RSL1D1: variants seen among roughly 807,000 people sequenced by gnomAD.
The protein encoded by RSL1D1 is ribosomal L1 domain-containing protein 1.
RSL1D1 carries 34 observed loss-of-function variants against 44.6 expected under a neutral mutation model. The observed-to-expected ratio is 0.76, with a 90% CI of 0.58 to 1.02. The LOEUF (loss-of-function observed/expected upper bound fraction) is 1.02. Among genes scored for constraint, RSL1D1 ranks in the 50% least tolerant of loss-of-function variants. RSL1D1 has a pLI of 0.00. For synonymous variants in RSL1D1, 271 were observed against 207.4 expected, an observed-to-expected ratio of 1.31 and a Z score of -2.63; for missense variants, 767 against 568.1, an observed-to-expected ratio of 1.35 and a Z score of -3.56.
chr16:11,848,343 A>G (rs557752711), intron 2 of RSL1D1, among the ~76,000 whole-genome samples: 2 of 152,336 alleles, frequency 1.3e-5, no homozygotes, highest in Admixed American at 1.3e-4. Flanking sequence ...CACTTGGGAT[A>G]CAACAAGAAT....
chr16:11,846,649 T>G, intron 4 of RSL1D1, 46 bp downstream of exon 4: 3 of 1,610,710 alleles, frequency 1.9e-6, no homozygotes, highest in Non-Finnish European at 2.5e-6. Context: ...CATACACACC[T>G]AGAAGCTTCA....
rs780160228 is a variant in RSL1D1, at chr16:11,846,483, T to C, written c.635+18A>G. 1 of 1,201,614 alleles carries C rather than the reference T, an allele frequency of 8.3e-7. No homozygotes were observed. The highest frequency in any genetic ancestry group is 1.3e-5 in the South Asian group (1 of 76,726). 74.4% of individuals were successfully genotyped at this position (1,201,614 alleles called of 1,614,324 possible). On this transcript the variant is annotated intron_variant, in intron 5 of 8. Transcript: ENST00000571133. ...AATACAAGATTAAAAGAGGCACACA[T>C]GAATGCCTTTTACCTACCTGCAAGA...
At chr16:11,844,712 A>T (rs985093119) in intron 5 of RSL1D1, among the ~76,000 whole-genome samples, 2 of 152,166 alleles carry the variant, frequency 1.3e-5, no homozygotes, top group African/African-American at 2.4e-5. Flanking sequence ...CTGGGTCTGC[A>T]CGGCTCCTGG....
Position 11,837,554 on chromosome 16 carries a change from T to G in RSL1D1, c.*233A>C, listed in dbSNP as rs113393544. On this transcript the variant is annotated 3_prime_UTR_variant, in exon 9 of 9. Coordinates refer to ENST00000571133, the MANE Select transcript of RSL1D1 (RefSeq NM_015659.3). ...TTGGTACAGACAGGGTTTCACCATG[T>G]TGGCCAGGATGGTCTCGATCTCGTT... The G allele has an allele frequency of 1.2e-5, 5 of 419,220 alleles. No homozygotes were observed. The highest frequency in any genetic ancestry group is 2.1e-5 in the Non-Finnish European group (5 of 234,252). 26.0% of individuals were successfully genotyped at this position (419,220 alleles called of 1,614,324 possible). A position where few individuals can be genotyped will look rare whatever the true frequency, so the allele number is the denominator to read the frequency against.
At chr16:11,850,220 C>A in intron 2 of RSL1D1, 59 bp downstream of exon 2, 1 of 1,467,488 alleles carries the variant, frequency 6.8e-7, no homozygotes, top group South Asian at 1.4e-5. Context: ...TGCAATTGTT[C>A]GAGTTACAAA....
At chr16:11,848,675 G>A (rs569881843) in intron 2 of RSL1D1, among the ~76,000 whole-genome samples, 2 of 152,082 alleles carry the variant, frequency 1.3e-5, no homozygotes, top group African/African-American at 4.8e-5. Context: ...TGTATTTTTC[G>A]TAGAGACAGG....
chr16:11,841,911 G>A lies in RSL1D1; in HGVS notation c.725C>T (p.Pro242Leu). Residue 242 changes from proline (P) to leucine (L), a missense_variant, in exon 6 of 9, where the codon CCA becomes CTA. Pro to Leu is a moderately conservative substitution (Grantham distance 98). Transcript: ENST00000571133. ...GATGCACCTGTAATACTGTACCTCTGGCAATTTTTCTGAAAGTCCTTTGGT... is the reference window on the plus strand; with the variant it reads ...GATGCACCTGTAATACTGTACCTCTAGCAATTTTTCTGAAAGTCCTTTGGT... ...AVTKGLSEKL[P>L]EKWESVKLLF... The A allele has an allele frequency of 6.2e-7, 1 of 1,613,146 alleles. No homozygotes were observed. The highest frequency in any genetic ancestry group is 8.5e-7 in the Non-Finnish European group (1 of 1,179,666).
intron 7 of RSL1D1, 25 bp from the exon 8 acceptor site, chr16:11,840,010 T>C (rs200464996): frequency 9.3e-6 from 15 of 1,606,222 alleles, no homozygotes; most frequent in Non-Finnish European, 1.3e-5. Flanking sequence ...CATACAAACA[T>C]TTTAGCAGGA....
chr16:11,851,486 C>T lies in RSL1D1; in HGVS notation c.27G>A (p.Leu9=), dbSNP rs751144125. Residue 9 remains leucine, a synonymous_variant, in exon 1 of 9, where the codon CTG becomes CTA. Coordinates refer to ENST00000571133, the MANE Select transcript of RSL1D1 (RefSeq NM_015659.3). ...AGGTTCCAGTAGCGGCTGCAGAAGA[C>T]AGCGAGGCCGAGGCCGAATCCTCCA... The part of the protein sequence containing the change: MEDSASAS[L]SSAAATGTST... 3.1e-6 allele frequency: 5 copies of T among 1,613,870 alleles called. No individual in the cohort carries two copies. The highest frequency in any genetic ancestry group is 1.3e-5 in the African/African-American group (1 of 74,928).
In RSL1D1 at chr16:11,836,592, G is replaced by C. The variant is rs1282871313; in HGVS notation, c.*1195C>G. Reference sequence around the variant, plus strand: ...TGTCATACATAAGCAAATCCATATGGACTGAGGAATAAGGAGGAAGAGGAT... The same window carrying C: ...TGTCATACATAAGCAAATCCATATGCACTGAGGAATAAGGAGGAAGAGGAT... On this transcript the variant is annotated 3_prime_UTR_variant, in exon 9 of 9. Coordinates refer to ENST00000571133, the MANE Select transcript of RSL1D1 (RefSeq NM_015659.3). The C allele has an allele frequency of 6.6e-6, 1 of 152,156 alleles. No homozygotes were observed. Among genetic ancestry groups the C allele is most frequent in the Non-Finnish European group, 1.5e-5 (1 of 68,040 alleles). The allele number at this position is 152,156 out of a possible 1,614,324, so 9.4% of individuals were successfully genotyped here.
chr16:11,838,154 A>G (rs751571409), intron 8 of RSL1D1, 41 bp from the exon 9 acceptor site: 12 of 1,420,780 alleles, frequency 8.4e-6, no homozygotes, highest in Non-Finnish European at 1.1e-5. Context: ...AAAAAGCCAC[A>G]AAACCTGACA....
At position 11,851,478 on chromosome 16, in the gene RSL1D1, G is replaced by A. The variant is rs1187729646; in HGVS notation, c.35C>T (p.Ala12Val). Residue 12 changes from alanine to valine, a missense_variant, in exon 1 of 9, where the codon GCA becomes GTA. By Grantham distance (64) the Ala-to-Val change is moderately conservative. Transcript: ENST00000571133. ...EDSASASLSS[A>V]AATGTSTSTP... Reference sequence around the variant, plus strand: ...CGAGGTGGAGGTTCCAGTAGCGGCTGCAGAAGACAGCGAGGCCGAGGCCGA... The same window carrying A: ...CGAGGTGGAGGTTCCAGTAGCGGCTACAGAAGACAGCGAGGCCGAGGCCGA... The A allele has an allele frequency of 1.2e-6, 2 of 1,613,914 alleles. No homozygotes were observed. Among genetic ancestry groups the A allele is most frequent in the Non-Finnish European group, 1.7e-6 (2 of 1,179,988 alleles).
intron 3 of RSL1D1, among the ~76,000 whole-genome samples, chr16:11,847,132 T>C (rs2053804634): frequency 1.3e-5 from 2 of 152,132 alleles, no homozygotes. Context: ...TACTAGCCCT[T>C]TGGGAGGCCG....
At chr16:11,850,771 G>A (rs2053831692) in intron 1 of RSL1D1, among the ~76,000 whole-genome samples, 1 of 152,220 alleles carries the variant, frequency 6.6e-6, no homozygotes, top group East Asian at 1.9e-4. Flanking sequence ...AATGCATTTA[G>A]CATTTACTGA....
At chr16:11,843,181 T>G (rs7185589) in intron 5 of RSL1D1, among the ~76,000 whole-genome samples, 80,619 of 150,368 alleles carry the variant, frequency 0.54, 22,798 homozygotes, top group Non-Finnish European at 0.63. Context: ...GTGATCCGCC[T>G]GCCTCGGCCT....
Position 11,851,338 on chromosome 16 carries a change from T to A in RSL1D1, c.105+70A>T, listed in dbSNP as rs1202565826. 5 of 1,447,840 alleles carry A rather than the reference T, an allele frequency of 3.5e-6. No homozygotes were observed. The African/African-American group carries it at 5.6e-5, about 16-fold the overall frequency. The allele number at this position is 1,447,840 out of a possible 1,614,324, so 89.7% of individuals were successfully genotyped here. On this transcript the variant is annotated intron_variant, in intron 1 of 8. Transcript: ENST00000571133. ...AAGTCCGCCGAGCACGCACTCGGGTTCCGGCACCCTGCGCCTCACGAGGTA... is the reference window on the plus strand; with the variant it reads ...AAGTCCGCCGAGCACGCACTCGGGTACCGGCACCCTGCGCCTCACGAGGTA...
intron 7 of RSL1D1, among the ~76,000 whole-genome samples, chr16:11,840,283 C>A (rs1446961521): frequency 1.3e-5 from 2 of 152,114 alleles, no homozygotes; most frequent in Non-Finnish European, 2.9e-5. Context: ...GAATAATACT[C>A]AGCTGGGCGC....
At chr16:11,842,976 C>T (rs985760971) in intron 5 of RSL1D1, among the ~76,000 whole-genome samples, 2 of 145,636 alleles carry the variant, frequency 1.4e-5, no homozygotes, top group Non-Finnish European at 3.0e-5. Flanking sequence ...GGCTGGAGTG[C>T]AATGGCGTGA....
chr16:11,846,267 CG>C (rs1282792967), intron 5 of RSL1D1, among the ~76,000 whole-genome samples: 1 of 150,912 alleles, frequency 6.6e-6, no homozygotes, highest in Non-Finnish European at 1.5e-5. Context: ...TGGTGGCAGG[CG>C]CCTGTAGTCC....
Sources: gnomAD v4.1 joint callset for allele counts (sites outside exome capture counted in the v4.1 genomes callset) on GRCh38, gnomAD v4.1.1 for gene constraint, MANE v1.5 for transcripts, NCBI Gene and HGNC (gene_info 2026-07-23, HGNC 2026-07-21) for gene names.